NXPH1: variants seen among roughly 807,000 people sequenced by gnomAD.
The protein encoded by NXPH1 is neurexophilin-1.
NXPH1 carries 5 observed loss-of-function variants against 23.7 expected under a neutral mutation model. That is an observed-to-expected ratio of 0.21 (90% confidence interval 0.11 to 0.44). The LOEUF is 0.44. NXPH1 is among the 20% of genes least tolerant of loss of function. NXPH1 has a pLI of 0.99. For missense variants in NXPH1, 324 were observed against 321.6 expected, an observed-to-expected ratio of 1.01 and a Z score of -0.06; for synonymous variants, 144 against 122.2, an observed-to-expected ratio of 1.18 and a Z score of -1.18.
At chr7:8,472,899 G>C (rs1288154181) in intron 2 of NXPH1, among the ~76,000 whole-genome samples, 1 of 152,100 alleles carries the variant, frequency 6.6e-6, no homozygotes, top group Non-Finnish European at 1.5e-5. Flanking sequence ...CTAGAAGTTT[G>C]GAAAAGCCAT....
intron 2 of NXPH1, among the ~76,000 whole-genome samples, chr7:8,643,843 G>C (rs371262065): frequency 2.0e-5 from 3 of 151,888 alleles, no homozygotes; most frequent in African/African-American, 7.3e-5. Context: ...ATGTTGCTTA[G>C]TGTATAAAAT....
intron 2 of NXPH1, among the ~76,000 whole-genome samples, chr7:8,634,679 T>G (rs1193639925): frequency 6.9e-6 from 1 of 144,304 alleles, no homozygotes; most frequent in Non-Finnish European, 1.5e-5. Context: ...TTTTTTTTTT[T>G]TTTTTTTTTT....
intron 2 of NXPH1, among the ~76,000 whole-genome samples, chr7:8,457,168 G>A (rs73046799): frequency 0.011 from 1,698 of 152,202 alleles, 12 homozygotes; most frequent in South Asian, 0.021. Flanking sequence ...ATTAATTCTT[G>A]GCTTTTCCAC....
chr7:8,651,967 C>T (rs180784016), intron 2 of NXPH1, among the ~76,000 whole-genome samples: 1 of 152,186 alleles, frequency 6.6e-6, no homozygotes, highest in Admixed American at 6.6e-5. Flanking sequence ...TTCTGACACA[C>T]AGAACAATAT....
Position 8,645,731 on chromosome 7 carries a change from G to A in NXPH1, c.55-105277G>A, listed in dbSNP as rs773098316. Among the ~76,000 whole-genome samples the A allele has an allele frequency of 1.3e-3, 197 of 152,064 alleles. 1 individual carries two copies. The highest frequency in any genetic ancestry group is 2.3e-3 in the Non-Finnish European group (154 of 67,898). On this transcript the variant is annotated intron_variant, in intron 2 of 2. Coordinates refer to ENST00000405863, the MANE Select transcript of NXPH1 (RefSeq NM_152745.3). ...TTAATGTTTTGTTCCTTATATTCGAGTGATCCATATGGAATTGAGTTTTGG... is the reference window on the plus strand; with the variant it reads ...TTAATGTTTTGTTCCTTATATTCGAATGATCCATATGGAATTGAGTTTTGG...
chr7:8,599,736 A>G (rs1819311851), intron 2 of NXPH1, among the ~76,000 whole-genome samples: 1 of 152,010 alleles, frequency 6.6e-6, no homozygotes, highest in South Asian at 2.1e-4. Flanking sequence ...GCCAGTAAAC[A>G]GCACCATTAC....
At chr7:8,702,527 C>G (rs1195019614) in intron 2 of NXPH1, among the ~76,000 whole-genome samples, 1 of 151,956 alleles carries the variant, frequency 6.6e-6, no homozygotes, top group African/African-American at 2.4e-5. Context: ...ATATATGTGC[C>G]TTACATAGAC....
chr7:8,478,102 C>T (rs549016139), intron 2 of NXPH1, among the ~76,000 whole-genome samples: 39 of 152,152 alleles, frequency 2.6e-4, no homozygotes, highest in Non-Finnish European at 4.3e-4. Context: ...TTGGAGATTT[C>T]TCTGAGATTG....
intron 2 of NXPH1, among the ~76,000 whole-genome samples, chr7:8,731,648 T>A (rs1780155919): frequency 6.6e-6 from 1 of 152,210 alleles, no homozygotes; most frequent in Non-Finnish European, 1.5e-5. Flanking sequence ...CCAGATAGGC[T>A]GCTCGGGGGT....
chr7:8,743,156 C>G lies in NXPH1; in HGVS notation c.55-7852C>G, dbSNP rs960228997. Among the ~76,000 whole-genome samples, 13 of 152,038 alleles carry G rather than the reference C, an allele frequency of 8.6e-5. No individual in the cohort carries two copies. The East Asian group carries it at 2.3e-3, about 27-fold the overall frequency. On this transcript the variant is annotated intron_variant, in intron 2 of 2. Coordinates refer to ENST00000405863, the MANE Select transcript of NXPH1 (RefSeq NM_152745.3). ...GTTTGTTTGTTGGTTACTTATTCAC[C>G]AGTGAGCAATGTTGCTTGAGCAATA...
intron 2 of NXPH1, among the ~76,000 whole-genome samples, chr7:8,479,989 A>T (rs1320831354): frequency 2.0e-5 from 3 of 152,088 alleles, no homozygotes; most frequent in Non-Finnish European, 2.9e-5. Flanking sequence ...AAAAATAATT[A>T]ATAAATAAAA....
chr7:8,750,857 A>G (rs1780551398), intron 2 of NXPH1, 151 bp from the exon 3 acceptor site: 1 of 692,404 alleles, frequency 1.4e-6, no homozygotes, highest in Non-Finnish European at 2.4e-6. Flanking sequence ...GGGGGCTTAG[A>G]TCTCTGCTTT....
intron 2 of NXPH1, among the ~76,000 whole-genome samples, chr7:8,731,565 G>A (rs1583250914): frequency 2.0e-5 from 3 of 152,242 alleles, no homozygotes; most frequent in East Asian, 3.9e-4. Context: ...TAACAGACAG[G>A]ACCCTCAGCT....
intron 2 of NXPH1, among the ~76,000 whole-genome samples, chr7:8,552,143 C>T (rs1194261940): frequency 1.0e-5 from 1 of 98,262 alleles, no homozygotes; most frequent in African/African-American, 4.8e-5. Flanking sequence ...AAAAAAAAAA[C>T]CACCAAAACC....
chr7:8,644,471 G>C (rs79883827), intron 2 of NXPH1, among the ~76,000 whole-genome samples: 7,212 of 152,046 alleles, frequency 0.047, 378 homozygotes, highest in East Asian at 0.17. Context: ...CAGTTTGATC[G>C]TCTCTTTATT....
rs926307364 is a variant in NXPH1 at position 8,588,841 on chromosome 7, A to G, written c.54+153074A>G. ...ACAGGGTGCTTAAAATGCGATTATA[A>G]GGCCATAAAATTTAGAACACTTTGG... On this transcript the variant is annotated intron_variant, in intron 2 of 2. Transcript: ENST00000405863. Among the ~76,000 whole-genome samples, 6 of 152,296 alleles carry G rather than the reference A, an allele frequency of 3.9e-5. No individual in the cohort carries two copies. The South Asian group carries it at 1.2e-3, about 32-fold the overall frequency.
At chr7:8,542,780 T>G (rs1364737623) in intron 2 of NXPH1, among the ~76,000 whole-genome samples, 1 of 151,506 alleles carries the variant, frequency 6.6e-6, no homozygotes, top group East Asian at 1.9e-4. Flanking sequence ...ATTATTATGT[T>G]AGATTATGCA....
chr7:8,705,454 C>G (rs899530894), intron 2 of NXPH1, among the ~76,000 whole-genome samples: 10 of 152,256 alleles, frequency 6.6e-5, no homozygotes, highest in Admixed American at 3.3e-4. Context: ...TACTGCAACC[C>G]TAGAGAAACT....
chr7:8,573,233 G>C (rs1818684571), intron 2 of NXPH1, among the ~76,000 whole-genome samples: 1 of 151,918 alleles, frequency 6.6e-6, no homozygotes, highest in Non-Finnish European at 1.5e-5. Flanking sequence ...CATTATATTG[G>C]TGAGTAGTGA....
Sources: gnomAD v4.1 joint callset for allele counts (sites outside exome capture counted in the v4.1 genomes callset) on GRCh38, gnomAD v4.1.1 for gene constraint, MANE v1.5 for transcripts, NCBI Gene and HGNC (gene_info 2026-07-23, HGNC 2026-07-21) for gene names.